VPS13B: variants seen among roughly 807,000 people sequenced by gnomAD.
The protein encoded by VPS13B is vacuolar protein sorting 13 homolog B.
In VPS13B, 285 loss-of-function variants were observed where a neutral mutation model predicts 426.4. That is an observed-to-expected ratio of 0.67 (90% confidence interval 0.61 to 0.74). VPS13B has a LOEUF of 0.74. Ranked by LOEUF, VPS13B falls within the 30% of genes least tolerant of loss-of-function variation. The pLI, the probability that VPS13B is intolerant of heterozygous loss-of-function variation, is 0.00. For synonymous variants in VPS13B, 1,676 were observed against 1,676.4 expected (o/e 1.00, Z 0.01); for missense variants, 4,537 against 4,782.6 (o/e 0.95, Z 1.51).
At chr8:99,038,323 T>A in intron 2 of VPS13B, 100 bp from the exon 3 acceptor site, 1 of 982,594 alleles carries the variant, frequency 1.0e-6, no homozygotes, top group Non-Finnish European at 1.5e-6. Context: ...CTCTGAATAT[T>A]CTTGTGTTGG....
chr8:99,275,477 G>A (rs995944730), intron 19 of VPS13B, among the ~76,000 whole-genome samples: 1 of 151,910 alleles, frequency 6.6e-6, no homozygotes, highest in Admixed American at 6.6e-5. Context: ...AGAGAATTTA[G>A]CTGTGTGTAT....
At chr8:99,644,464 A>G (rs1357503097) in intron 34 of VPS13B, among the ~76,000 whole-genome samples, 1 of 152,146 alleles carries the variant, frequency 6.6e-6, no homozygotes. Context: ...AAAATAATAG[A>G]ACACTTGTTT....
At chr8:99,271,294 A>G (rs2132983851) in intron 17 of VPS13B, among the ~76,000 whole-genome samples, 1 of 152,044 alleles carries the variant, frequency 6.6e-6, no homozygotes, top group East Asian at 1.9e-4. Context: ...ATTTTCTGAG[A>G]TATTAAAATT....
chr8:99,842,878 C>T (rs1225572883), intron 54 of VPS13B, among the ~76,000 whole-genome samples: 2 of 152,114 alleles, frequency 1.3e-5, no homozygotes, highest in African/African-American at 4.8e-5. Context: ...TGGGGCTGAG[C>T]ACAGAGACTT....
At chr8:99,713,474 G>A (rs951789929) in intron 36 of VPS13B, among the ~76,000 whole-genome samples, 3 of 152,194 alleles carry the variant, frequency 2.0e-5, no homozygotes, top group African/African-American at 7.2e-5. Context: ...GTCATAGAAA[G>A]AGGTTACAAA....
intron 35 of VPS13B, chr8:99,697,237 A>C: frequency 1.7e-6 from 1 of 574,312 alleles, no homozygotes; most frequent in Non-Finnish European, 3.2e-6. Flanking sequence ...GTCACGCTGC[A>C]GGAGGAGGCA....
intron 33 of VPS13B, among the ~76,000 whole-genome samples, chr8:99,635,825 A>T (rs1262180533): frequency 1.3e-5 from 2 of 151,992 alleles, no homozygotes; most frequent in Non-Finnish European, 2.9e-5. Context: ...AATTAGTTTA[A>T]TGCATTCCTT....
At chr8:99,328,181 C>T (rs532817341) in intron 19 of VPS13B, among the ~76,000 whole-genome samples, 24 of 152,256 alleles carry the variant, frequency 1.6e-4, no homozygotes, top group African/African-American at 4.3e-4. Flanking sequence ...CTAGGCTGCA[C>T]GCTCCTCATG....
intron 43 of VPS13B, among the ~76,000 whole-genome samples, chr8:99,785,335 A>G (rs1050990467): frequency 3.9e-5 from 6 of 152,192 alleles, no homozygotes; most frequent in African/African-American, 1.4e-4. Flanking sequence ...TCTGGTCTCT[A>G]GACCAGCATC....
intron 35 of VPS13B, among the ~76,000 whole-genome samples, chr8:99,695,693 T>G (rs1323194286): frequency 1.0e-5 from 1 of 98,498 alleles, no homozygotes; most frequent in African/African-American, 4.2e-5. Context: ...AAACTTAAAG[T>G]ATAATAAAAA....
At chr8:99,735,043 TG>T (rs987532542) in intron 39 of VPS13B, among the ~76,000 whole-genome samples, 1 of 152,196 alleles carries the variant, frequency 6.6e-6, no homozygotes, top group Non-Finnish European at 1.5e-5. Flanking sequence ...ACTAGAAGTT[TG>T]GACATGTGGG....
At chr8:99,183,274 C>T (rs753437618) in intron 16 of VPS13B, among the ~76,000 whole-genome samples, 10 of 152,172 alleles carry the variant, frequency 6.6e-5, no homozygotes, top group Non-Finnish European at 1.2e-4. Flanking sequence ...CGCTGCTGCT[C>T]TATTGACGGT....
At chr8:99,801,186 ATCTC>A (rs1404151118) in intron 43 of VPS13B, among the ~76,000 whole-genome samples, 1 of 151,936 alleles carries the variant, frequency 6.6e-6, no homozygotes, top group Non-Finnish European at 1.5e-5. Flanking sequence ...TCCTTCCTAT[ATCTC>A]TCTCCCACCC....
At position 99,870,830 on chromosome 8, in the gene VPS13B, A is replaced by G. The variant is rs549702100; in HGVS notation, c.11438A>G (p.His3813Arg). 2.0e-5 allele frequency: 32 copies of G among 1,614,206 alleles called. No individual in the cohort carries two copies. The East Asian group carries it at 7.1e-4, about 36-fold the overall frequency. ...AGLSQLPKQR[H>R]QPSDLHADQA... ...CTTTCTCAGCTTCCCAAACAGCGCC[A>G]TCAGCCAAGTGATCTACATGCTGAC... Residue 3813 changes from histidine to arginine, a missense_variant, in exon 60 of 62, where the codon CAT becomes CGT. This residue lies in a region of VPS13B where 4,311 missense variants were observed against 4,474.3 expected (regional missense o/e 0.96). Coordinates refer to ENST00000357162, the MANE Select transcript of VPS13B (RefSeq NM_152564.5).
At chr8:99,170,977 A>G (rs1300205919) in intron 16 of VPS13B, among the ~76,000 whole-genome samples, 4 of 151,686 alleles carry the variant, frequency 2.6e-5, no homozygotes, top group Admixed American at 2.0e-4. Flanking sequence ...TTTCTTATCT[A>G]AAATACTTCA....
At chr8:99,485,026 A>G (rs1027263399) in intron 25 of VPS13B, among the ~76,000 whole-genome samples, 2 of 152,158 alleles carry the variant, frequency 1.3e-5, no homozygotes, top group Non-Finnish European at 2.9e-5. Context: ...TCTTCATTTT[A>G]TGTTCCCAGC....
chr8:99,142,270 T>G (rs1214158927), intron 12 of VPS13B, among the ~76,000 whole-genome samples: 1 of 152,178 alleles, frequency 6.6e-6, no homozygotes, highest in African/African-American at 2.4e-5. Context: ...TTTGTCTGAA[T>G]AAACAAAATG....
rs1825730996 is a variant in VPS13B, at chr8:99,575,435, A to C, written c.4950-223A>C. ...AAGTCCTGGGATGATACTAATATGA[A>C]ATTGCTTAATTACACCTTAATTTCT... On this transcript the variant is annotated intron_variant, in intron 31 of 61. Transcript: ENST00000357162. 9.9e-5 allele frequency among the ~76,000 whole-genome samples: 15 copies of C among 152,274 alleles called. 1 individual carries two copies. The South Asian group carries it at 3.1e-3, about 32-fold the overall frequency.
chr8:99,423,690 T>C (rs72674618), intron 21 of VPS13B, among the ~76,000 whole-genome samples: 141 of 152,266 alleles, frequency 9.3e-4, no homozygotes, highest in Admixed American at 2.7e-3. Context: ...ACAAATTTCA[T>C]AGGTATACAA....
Sources: allele counts gnomAD v4.1 joint callset (sites outside exome capture counted in the v4.1 genomes callset), GRCh38; gene constraint gnomAD v4.1.1; regional missense constraint gnomAD v4.1.1; transcripts MANE v1.5; gene names NCBI Gene and HGNC (gene_info 2026-07-23, HGNC 2026-07-21).